The following RBFA variants were observed in gnomAD, a reference collection of about 807,000 sequenced individuals.
The protein encoded by RBFA is ribosome binding factor A.
In RBFA, 16 loss-of-function variants were observed where a neutral mutation model predicts 27.9. The observed-to-expected ratio is 0.57, with a 90% CI of 0.39 to 0.87. The LOEUF is 0.87. Among genes scored for constraint, RBFA ranks in the 40% least tolerant of loss-of-function variants. The probability of loss-of-function intolerance (pLI) is 0.00; values close to 1 mark genes in which losing one functional copy is unlikely to be tolerated. For synonymous variants in RBFA, 181 were observed against 181.0 expected (o/e 1.00, Z 0.00); for missense variants, 456 against 432.1 (o/e 1.06, Z -0.49).
At chr18:80,041,087 G>A (rs1301298556) in intron 4 of RBFA, among the ~76,000 whole-genome samples, 4 of 152,304 alleles carry the variant, frequency 2.6e-5, no homozygotes. Flanking sequence ...CTTCGTTCCA[G>A]GCACCCTGCC....
chr18:80,050,114 G>T lies in RBFA; in HGVS notation c.*3959G>T, dbSNP rs1221103373. Among the ~76,000 whole-genome samples the T allele has an allele frequency of 6.6e-6, 1 of 152,188 alleles. No individual in the cohort carries two copies. Among genetic ancestry groups the T allele is most frequent in the Non-Finnish European group, 1.5e-5 (1 of 68,028 alleles). ...TTACATCAGAAACTTGAGGTACTTT[G>T]AAAATTTGCCAGCTGCCTTGAAGGA... is the stretch of plus-strand genomic sequence containing the variant. On this transcript the variant is annotated 3_prime_UTR_variant, in exon 7 of 7. Coordinates refer to ENST00000306735, the MANE Select transcript of RBFA (RefSeq NM_024805.3).
intron 4 of RBFA, among the ~76,000 whole-genome samples, chr18:80,040,189 C>T (rs1453989810): frequency 2.0e-5 from 3 of 147,200 alleles, no homozygotes; most frequent in Non-Finnish European, 3.0e-5. Flanking sequence ...CCATACTTTT[C>T]TCATGGCTGT....
At chr18:80,044,866 G>A (rs373869295) in intron 6 of RBFA, among the ~76,000 whole-genome samples, 3 of 152,356 alleles carry the variant, frequency 2.0e-5, no homozygotes, top group South Asian at 2.1e-4. Flanking sequence ...CTTGCCTGGG[G>A]GCCTTAGACA....
intron 1 of RBFA, among the ~76,000 whole-genome samples, chr18:80,036,455 A>G (rs1354937360): frequency 2.6e-5 from 4 of 152,218 alleles, no homozygotes; most frequent in Non-Finnish European, 5.9e-5. Context: ...GAATTTAGGT[A>G]AAAATTATGA....
intron 4 of RBFA, among the ~76,000 whole-genome samples, chr18:80,040,674 G>A (rs1298988080): frequency 6.6e-6 from 1 of 152,118 alleles, no homozygotes; most frequent in Non-Finnish European, 1.5e-5. Flanking sequence ...CATTGATTTT[G>A]TGGGGGGGAG....
At chr18:80,038,702 C>G (rs1378728046) in intron 4 of RBFA, 85 bp downstream of exon 4, 1 of 952,386 alleles carries the variant, frequency 1.0e-6, no homozygotes, top group Non-Finnish European at 1.6e-6. Flanking sequence ...TGGACTTGAA[C>G]TTTTCATTGA....
chr18:80,042,066 C>A, intron 4 of RBFA, 69 bp from the exon 5 acceptor site: 1 of 1,185,048 alleles, frequency 8.4e-7, no homozygotes, highest in Admixed American at 2.2e-5. Context: ...ATCATATGTT[C>A]AGCACTGTCA....
chr18:80,043,225 G>A (rs191867186), intron 5 of RBFA, among the ~76,000 whole-genome samples: 10 of 152,242 alleles, frequency 6.6e-5, no homozygotes, highest in South Asian at 4.1e-4. Context: ...AGCGAATAGC[G>A]TTTGCAGTAT....
At position 80,044,205 on chromosome 18, in the gene RBFA, T is replaced by C. The variant is rs2052035095; in HGVS notation, c.577-7T>C. Reference sequence around the variant, plus strand: ...CTAACGGGTTTACCCTCTGTGTTCCTCTGTAGCTTGATCAGTTACTGGCAG... The same window carrying C: ...CTAACGGGTTTACCCTCTGTGTTCCCCTGTAGCTTGATCAGTTACTGGCAG... On this transcript the variant is annotated splice_polypyrimidine_tract_variant and splice_region_variant and intron_variant, in intron 5 of 6. Coordinates refer to ENST00000306735, the MANE Select transcript of RBFA (RefSeq NM_024805.3). The C allele has an allele frequency of 6.2e-7, 1 of 1,613,814 alleles. No individual in the cohort carries two copies. Among genetic ancestry groups the C allele is most frequent in the Non-Finnish European group, 8.5e-7 (1 of 1,179,636 alleles).
In RBFA at chr18:80,049,646, A is replaced by G. The variant is rs2052082936; in HGVS notation, c.*3491A>G. Among the ~76,000 whole-genome samples the G allele has an allele frequency of 6.6e-6, 1 of 152,240 alleles. No individual in the cohort carries two copies. The highest frequency in any genetic ancestry group is 2.1e-4 in the South Asian group (1 of 4,836). On this transcript the variant is annotated 3_prime_UTR_variant, in exon 7 of 7. Coordinates refer to ENST00000306735, the MANE Select transcript of RBFA (RefSeq NM_024805.3). ...CAATGGTTCTCAAAGTTCCGGGCAC[A>G]TCCCCTGGGGGCTCATAAAACCAGA...
rs747544728 is a variant in RBFA, at chr18:80,046,334, C to T, written c.*179C>T. 1.5e-6 allele frequency: 1 copy of T among 676,308 alleles called. No homozygotes were observed. Among genetic ancestry groups the T allele is most frequent in the Non-Finnish European group, 2.5e-6 (1 of 406,108 alleles). 41.9% of individuals were successfully genotyped at this position (676,308 alleles called of 1,614,324 possible). A position where few individuals can be genotyped will look rare whatever the true frequency, so the allele number is the denominator to read the frequency against. On this transcript the variant is annotated 3_prime_UTR_variant, in exon 7 of 7. Transcript: ENST00000306735. ...CTACACAAGTCACTGTTTTTTTTTC[C>T]ATGCACTGTGTGTAATTTAAAAATT... is the stretch of plus-strand genomic sequence containing the variant.
chr18:80,042,398 A>G (rs1466961333), intron 5 of RBFA, among the ~76,000 whole-genome samples, 179 bp downstream of exon 5: 2 of 152,152 alleles, frequency 1.3e-5, no homozygotes, highest in African/African-American at 2.4e-5. Context: ...GGTAATAATT[A>G]ACTTTTTATA....
At position 80,037,321 on chromosome 18, in the gene RBFA, C is replaced by T. The variant is rs748337; in HGVS notation, c.202-9C>T. ...CTGCCCTTGGGGTGTGCTCTTCTTC[C>T]TGATGGAGACTTACAAACCATCCAA... On this transcript the variant is annotated splice_polypyrimidine_tract_variant and intron_variant, in intron 2 of 6. Coordinates refer to ENST00000306735, the MANE Select transcript of RBFA (RefSeq NM_024805.3). 1,289,125 of 1,611,110 alleles carry T rather than the reference C, an allele frequency of 0.8. 518,085 individuals are homozygous for T. The highest frequency in any genetic ancestry group is 0.89 in the East Asian group (40,072 of 44,824).
rs534299467 is a variant in RBFA at position 80,044,656 on chromosome 18, A to C, written c.650+371A>C. ...TCATTAGGGGAGGCCGACAGGAAGC[A>C]GTAAACATCACAGATGGGTGTTAGG... On this transcript the variant is annotated intron_variant, in intron 6 of 6. Coordinates refer to ENST00000306735, the MANE Select transcript of RBFA (RefSeq NM_024805.3). Among the ~76,000 whole-genome samples the C allele has an allele frequency of 3.9e-4, 60 of 152,392 alleles. 1 individual carries two copies. Among genetic ancestry groups the C allele is most frequent in the Middle Eastern group, 6.8e-3 (2 of 294 alleles).
In RBFA at chr18:80,034,486, G is replaced by C. The variant is rs920536893; in HGVS notation, c.-10G>C. 5.2e-6 allele frequency: 8 copies of C among 1,526,088 alleles called. No homozygotes were observed. Among genetic ancestry groups the C allele is most frequent in the Non-Finnish European group, 7.0e-6 (8 of 1,146,794 alleles). The allele number at this position is 1,526,088 out of a possible 1,614,324, so 94.5% of individuals were successfully genotyped here. The stretch of plus-strand genomic sequence containing the variant: ...GTCTCCCTGCTCGCTCCGGGTCCCG[G>C]CGCCGCGCCATGTGGGCTGCGGCGG... On this transcript the variant is annotated 5_prime_UTR_variant, in exon 1 of 7. Transcript: ENST00000306735.
At chr18:80,037,803 C>T (rs561615212) in intron 3 of RBFA, among the ~76,000 whole-genome samples, 4 of 152,064 alleles carry the variant, frequency 2.6e-5, no homozygotes, top group South Asian at 2.1e-4. Context: ...GCAGGAGAAT[C>T]GCTTGAACCC....
intron 4 of RBFA, among the ~76,000 whole-genome samples, chr18:80,039,562 A>C (rs1159445204): frequency 2.6e-5 from 4 of 152,230 alleles, no homozygotes; most frequent in African/African-American, 9.6e-5. Context: ...CGGAGCAAAC[A>C]ACAGACCATA....
At chr18:80,037,193 G>T in intron 2 of RBFA, 137 bp from the exon 3 acceptor site, 1 of 623,100 alleles carries the variant, frequency 1.6e-6, no homozygotes. Flanking sequence ...TTATCTTAAT[G>T]AAAGCTGAGG....
chr18:80,036,583 G>C, intron 1 of RBFA, 85 bp from the exon 2 acceptor site: 3 of 1,008,898 alleles, frequency 3.0e-6, no homozygotes, highest in Non-Finnish European at 4.6e-6. Context: ...CCTATAAACA[G>C]TTATGGTATC....
Sources: allele counts gnomAD v4.1 joint callset (sites outside exome capture counted in the v4.1 genomes callset), GRCh38; gene constraint gnomAD v4.1.1; transcripts MANE v1.5; gene names NCBI Gene and HGNC (gene_info 2026-07-23, HGNC 2026-07-21).